Variants in MRTFA observed in about 807,000 individuals in gnomAD.
MRTFA encodes myocardin related transcription factor A.
In MRTFA, 20 loss-of-function variants were observed where a neutral mutation model predicts 83.5. The ratio of observed to expected loss-of-function variants is 0.24; its 90% CI spans 0.17 to 0.35. The LOEUF (loss-of-function observed/expected upper bound fraction) is 0.35. MRTFA is among the 10% of genes least tolerant of loss of function. The pLI is 1.00. For missense variants in MRTFA, 1,200 were observed against 1,224.7 expected (o/e 0.98, Z 0.30); for synonymous variants, 659 against 541.2 (o/e 1.22, Z -3.02).
chr22:40,443,024 G>T (rs1002238666), intron 4 of MRTFA, among the ~76,000 whole-genome samples: 1 of 152,082 alleles, frequency 6.6e-6, no homozygotes, highest in Non-Finnish European at 1.5e-5. Context: ...CCGAGGTCGG[G>T]GGGGATCACT....
At chr22:40,490,720 A>T (rs1202525756) in intron 3 of MRTFA, among the ~76,000 whole-genome samples, 1 of 152,184 alleles carries the variant, frequency 6.6e-6, no homozygotes, top group Admixed American at 6.5e-5. Context: ...GGCTCAAATC[A>T]TCCTGTTAAA....
chr22:40,520,384 T>C (rs1208172938), intron 3 of MRTFA, among the ~76,000 whole-genome samples: 1 of 152,134 alleles, frequency 6.6e-6, no homozygotes, highest in African/African-American at 2.4e-5. Context: ...CTATGTCCTT[T>C]CATTTGGAAA....
At chr22:40,525,491 G>C (rs1468121713) in intron 3 of MRTFA, among the ~76,000 whole-genome samples, 1 of 152,042 alleles carries the variant, frequency 6.6e-6, no homozygotes, top group Admixed American at 6.6e-5. Context: ...GACAGAGCAA[G>C]ACCCTGTCTC....
At chr22:40,610,679 T>G (rs1042001221) in intron 1 of MRTFA, among the ~76,000 whole-genome samples, 5 of 152,132 alleles carry the variant, frequency 3.3e-5, no homozygotes, top group Non-Finnish European at 7.3e-5. Flanking sequence ...GAATCCACCA[T>G]CAATCTTCCT....
intron 1 of MRTFA, among the ~76,000 whole-genome samples, chr22:40,614,779 G>GC (rs1001628514): frequency 3.3e-5 from 5 of 152,106 alleles, no homozygotes; most frequent in Non-Finnish European, 5.9e-5. Context: ...GAGCTGCAGC[G>GC]CCTGGCCCAT....
At chr22:40,501,045 G>A (rs1230276562) in intron 3 of MRTFA, among the ~76,000 whole-genome samples, 145 of 115,978 alleles carry the variant, frequency 1.3e-3, no homozygotes, top group Non-Finnish European at 2.2e-3. Context: ...CCTCCCTCCC[G>A]GACGGGGCGG....
At chr22:40,502,944 C>T (rs1163929820) in intron 3 of MRTFA, among the ~76,000 whole-genome samples, 1 of 152,176 alleles carries the variant, frequency 6.6e-6, no homozygotes, top group Non-Finnish European at 1.5e-5. Flanking sequence ...CCTAGTGTCA[C>T]AGAGGATACC....
chr22:40,436,500 G>A (rs1016008669), intron 4 of MRTFA, among the ~76,000 whole-genome samples: 2 of 152,154 alleles, frequency 1.3e-5, no homozygotes, highest in Non-Finnish European at 2.9e-5. Flanking sequence ...CAGCTGAGAC[G>A]AAGGGCTCAG....
intron 3 of MRTFA, among the ~76,000 whole-genome samples, chr22:40,505,294 T>A (rs1342037271): frequency 6.6e-6 from 1 of 152,188 alleles, no homozygotes; most frequent in Non-Finnish European, 1.5e-5. Context: ...TATCTATGAG[T>A]CTTATCCATC....
At chr22:40,533,782 T>A (rs1219769211) in intron 3 of MRTFA, 1 of 430,952 alleles carries the variant, frequency 2.3e-6, no homozygotes, top group African/African-American at 2.0e-5. Context: ...CTCAGTGCAG[T>A]TACCAATTTA....
intron 3 of MRTFA, among the ~76,000 whole-genome samples, chr22:40,463,622 C>G (rs2053756179): frequency 6.6e-6 from 1 of 152,132 alleles, no homozygotes; most frequent in South Asian, 2.1e-4. Context: ...TCAAAATATC[C>G]TAACGAGGAC....
intron 5 of MRTFA, among the ~76,000 whole-genome samples, chr22:40,434,252 G>A (rs1188906271): frequency 1.3e-5 from 2 of 152,040 alleles, no homozygotes; most frequent in Non-Finnish European, 2.9e-5. Context: ...GTACTCTCCA[G>A]TGCTCTCAGC....
intron 3 of MRTFA, among the ~76,000 whole-genome samples, chr22:40,513,994 G>A (rs1467485155): frequency 2.0e-5 from 3 of 151,890 alleles, no homozygotes; most frequent in Non-Finnish European, 2.9e-5. Context: ...GCTCACACCT[G>A]TAATCCCAAC....
chr22:40,607,457 T>C (rs932526683), intron 1 of MRTFA, among the ~76,000 whole-genome samples: 6 of 142,980 alleles, frequency 4.2e-5, no homozygotes, highest in African/African-American at 1.3e-4. Context: ...TGAGCTGAGA[T>C]CACACCACTG....
At chr22:40,594,245 AC>A (rs1167377365) in intron 2 of MRTFA, among the ~76,000 whole-genome samples, 2 of 152,184 alleles carry the variant, frequency 1.3e-5, no homozygotes, top group Non-Finnish European at 2.9e-5. Context: ...CATTTAGTCT[AC>A]CATTCACACA....
intron 2 of MRTFA, among the ~76,000 whole-genome samples, chr22:40,592,446 T>C (rs997841455): frequency 1.0e-4 from 15 of 148,698 alleles, no homozygotes; most frequent in African/African-American, 3.5e-4. Flanking sequence ...CAAGACCCTG[T>C]CTCTTAACTT....
At chr22:40,513,135 AT>A (rs1488088077) in intron 3 of MRTFA, among the ~76,000 whole-genome samples, 1 of 152,232 alleles carries the variant, frequency 6.6e-6, no homozygotes, top group East Asian at 1.9e-4. Flanking sequence ...TATGAAAACA[AT>A]TTTTGAAACT....
chr22:40,636,447 G>GGAGGGGTCCCCAA (rs1374182790), intron 1 of MRTFA, 31 bp downstream of exon 1: 1 of 152,246 alleles, frequency 6.6e-6, no homozygotes, highest in Non-Finnish European at 1.5e-5. Context: ...CCGCGGTGGG[G>GGAGGGGTCCCCAA]GAGGGGTCCC....
chr22:40,424,498 G>T, intron 7 of MRTFA, 117 bp from the exon 8 acceptor site: 1 of 1,111,590 alleles, frequency 9.0e-7, no homozygotes, highest in Non-Finnish European at 1.3e-6. Flanking sequence ...CATGCCCCGT[G>T]AGGCAGGCAA....
Sources: allele counts gnomAD v4.1 joint callset (sites outside exome capture counted in the v4.1 genomes callset), GRCh38; gene constraint gnomAD v4.1.1; transcripts MANE v1.5; gene names NCBI Gene and HGNC (gene_info 2026-07-23, HGNC 2026-07-21).